PRKD1: variants seen among roughly 807,000 people sequenced by gnomAD.
PRKD1 encodes the protein protein kinase D1.
A neutral mutation model predicts 95.9 loss-of-function variants in PRKD1; 63 were observed. That is an observed-to-expected ratio of 0.66 (90% CI 0.54 to 0.81). The LOEUF is 0.81. Ranked by LOEUF, PRKD1 falls within the 30% of genes least tolerant of loss-of-function variation. The pLI, the probability that PRKD1 is intolerant of heterozygous loss-of-function variation, is 0.00. For synonymous variants in PRKD1, 425 were observed against 423.1 expected, an observed-to-expected ratio of 1.00 and a Z score of -0.05; for missense variants, 1,048 against 1,165.3, an observed-to-expected ratio of 0.90 and a Z score of 1.47.
intron 1 of PRKD1, among the ~76,000 whole-genome samples, chr14:29,833,924 GAGAGTAGCTATT>G (rs772076219): frequency 2.0e-5 from 3 of 151,908 alleles, no homozygotes; most frequent in Non-Finnish European, 4.4e-5. Context: ...AAGCTCTCAA[GAGAGTAGCTATT>G]CAAACCTCTC....
Position 29,672,565 on chromosome 14 carries a change from G to T in PRKD1, c.404-6357C>A, listed in dbSNP as rs897717722. On this transcript the variant is annotated intron_variant, in intron 2 of 17. Transcript: ENST00000331968. ...GTGACAAGATGACTTAGAAACAAGAGGTCATAAATCTGCAGTGATGGAAGA... is the reference window on the plus strand; with the variant it reads ...GTGACAAGATGACTTAGAAACAAGATGTCATAAATCTGCAGTGATGGAAGA... Among the ~76,000 whole-genome samples, 3 of 152,046 alleles carry T rather than the reference G, an allele frequency of 2.0e-5. No individual in the cohort carries two copies. In the South Asian group the frequency reaches 6.2e-4, roughly 32 times the overall value.
At chr14:29,854,975 G>A (rs186063084) in intron 1 of PRKD1, among the ~76,000 whole-genome samples, 129 of 152,318 alleles carry the variant, frequency 8.5e-4, no homozygotes, top group African/African-American at 2.7e-3. Context: ...GGGAACCTCC[G>A]CCTAGATTTC....
intron 2 of PRKD1, among the ~76,000 whole-genome samples, chr14:29,682,494 G>T (rs1467926226): frequency 6.6e-6 from 1 of 152,116 alleles, no homozygotes; most frequent in Non-Finnish European, 1.5e-5. Flanking sequence ...AATTGTACCA[G>T]ACTAACCTTC....
intron 1 of PRKD1, among the ~76,000 whole-genome samples, chr14:29,886,966 G>A (rs981796991): frequency 1.3e-5 from 2 of 152,168 alleles, no homozygotes; most frequent in African/African-American, 4.8e-5. Context: ...ATTGACATTT[G>A]ACATCAAGTA....
At chr14:29,741,098 G>A (rs1002336628) in intron 1 of PRKD1, among the ~76,000 whole-genome samples, 1 of 152,044 alleles carries the variant, frequency 6.6e-6, no homozygotes, top group African/African-American at 2.4e-5. Context: ...ACATTATTGG[G>A]GCCTAATTGA....
intron 2 of PRKD1, among the ~76,000 whole-genome samples, chr14:29,682,404 A>G (rs188535307): frequency 6.6e-6 from 1 of 152,188 alleles, no homozygotes; most frequent in Admixed American, 6.5e-5. Flanking sequence ...AGTATAAATC[A>G]GGTTTAGAGT....
chr14:29,826,734 C>CATATATATATACATAT, intron 1 of PRKD1, among the ~76,000 whole-genome samples: 1 of 62,360 alleles, frequency 1.6e-5, no homozygotes, highest in South Asian at 5.3e-4. Flanking sequence ...TATATATACA[C>CATATATATATACATAT]ATATATATAC....
At chr14:29,924,468 A>C (rs1305126777) in intron 1 of PRKD1, among the ~76,000 whole-genome samples, 1 of 152,154 alleles carries the variant, frequency 6.6e-6, no homozygotes, top group Non-Finnish European at 1.5e-5. Flanking sequence ...CCCAAAGGAA[A>C]TGTCCTGTGA....
At chr14:29,798,999 G>A (rs1889922263) in intron 1 of PRKD1, among the ~76,000 whole-genome samples, 1 of 152,180 alleles carries the variant, frequency 6.6e-6, no homozygotes, top group South Asian at 2.1e-4. Context: ...TTGGGTGGGA[G>A]TACCTCCACG....
chr14:29,836,973 G>A (rs1263042281), intron 1 of PRKD1, among the ~76,000 whole-genome samples: 1 of 152,140 alleles, frequency 6.6e-6, no homozygotes, highest in Non-Finnish European at 1.5e-5. Flanking sequence ...CACAATCACA[G>A]GATGGTTACC....
At chr14:29,825,496 C>T (rs1038016739) in intron 1 of PRKD1, among the ~76,000 whole-genome samples, 3 of 150,872 alleles carry the variant, frequency 2.0e-5, no homozygotes, top group African/African-American at 7.3e-5. Flanking sequence ...AAGTGGCACA[C>T]ATTTCAGTGG....
At chr14:29,878,590 T>C (rs1893389931) in intron 1 of PRKD1, among the ~76,000 whole-genome samples, 1 of 152,154 alleles carries the variant, frequency 6.6e-6, no homozygotes, top group Non-Finnish European at 1.5e-5. Context: ...GGAATGAAGT[T>C]CTGATACATG....
chr14:29,778,427 T>A (rs531503026), intron 1 of PRKD1, among the ~76,000 whole-genome samples: 1 of 151,992 alleles, frequency 6.6e-6, no homozygotes, highest in African/African-American at 2.4e-5. Context: ...AAGATTCAAA[T>A]AGACACAATA....
chr14:29,909,125 G>A (rs1183521978), intron 1 of PRKD1, among the ~76,000 whole-genome samples: 1 of 152,172 alleles, frequency 6.6e-6, no homozygotes, highest in Admixed American at 6.5e-5. Context: ...AGGCAGTGAG[G>A]GGCTTAGCAC....
At chr14:29,873,609 G>A (rs1209883133) in intron 1 of PRKD1, among the ~76,000 whole-genome samples, 1 of 152,064 alleles carries the variant, frequency 6.6e-6, no homozygotes, top group Non-Finnish European at 1.5e-5. Context: ...CAGTGCAAAA[G>A]GTCCTTTGTA....
chr14:29,639,524 CAGG>C (rs1287954732), intron 4 of PRKD1, among the ~76,000 whole-genome samples: 2 of 151,960 alleles, frequency 1.3e-5, no homozygotes, highest in Admixed American at 1.3e-4. Flanking sequence ...TATGCTGAAG[CAGG>C]AGAATTGCTT....
At position 29,801,030 on chromosome 14, in the gene PRKD1, C is replaced by T. The variant is rs111997347; in HGVS notation, c.265-75356G>A. On this transcript the variant is annotated intron_variant, in intron 1 of 17. Coordinates refer to ENST00000331968, the MANE Select transcript of PRKD1 (RefSeq NM_002742.3). The stretch of plus-strand genomic sequence containing the variant: ...ATTTAACTGTCAGAACCTGTATCAG[C>T]CCATTAGTCAAGGTTCTCCAGAGAA... Among the ~76,000 whole-genome samples the T allele has an allele frequency of 6.0e-3, 907 of 152,106 alleles. 9 individuals are homozygous for T. The highest frequency in any genetic ancestry group is 0.01 in the Non-Finnish European group (704 of 67,998).
intron 2 of PRKD1, among the ~76,000 whole-genome samples, chr14:29,717,153 T>A (rs954790802): frequency 6.6e-6 from 1 of 152,204 alleles, no homozygotes; most frequent in Non-Finnish European, 1.5e-5. Flanking sequence ...CTTGTACATT[T>A]CATTGATTTA....
At chr14:29,743,814 C>G (rs1333544034) in intron 1 of PRKD1, among the ~76,000 whole-genome samples, 2 of 152,326 alleles carry the variant, frequency 1.3e-5, no homozygotes, top group South Asian at 4.1e-4. Flanking sequence ...CAGTTCCTCA[C>G]AGACATTTCA....
Sources: allele counts gnomAD v4.1 joint callset (sites outside exome capture counted in the v4.1 genomes callset), GRCh38; gene constraint gnomAD v4.1.1; transcripts MANE v1.5; gene names NCBI Gene and HGNC (gene_info 2026-07-23, HGNC 2026-07-21).